PDE4D: variants seen among roughly 807,000 people sequenced by gnomAD.
PDE4D encodes the protein phosphodiesterase 4D.
In PDE4D, 24 loss-of-function variants were observed where a neutral mutation model predicts 87.4. The observed-to-expected ratio is 0.27, with a 90% CI of 0.20 to 0.39. The LOEUF (loss-of-function observed/expected upper bound fraction) is 0.39, where lower values mean the gene tolerates loss of function less well. PDE4D is among the 10% of genes least tolerant of loss of function. PDE4D has a pLI of 1.00. For synonymous variants in PDE4D, 384 were observed against 383.2 expected (o/e 1.00, Z -0.02); for missense variants, 714 against 1,041.0 (o/e 0.69, Z 4.32).
At chr5:58,986,105 G>C (rs1746361718) in intron 11 of PDE4D, among the ~76,000 whole-genome samples, 1 of 152,096 alleles carries the variant, frequency 6.6e-6, no homozygotes, top group Non-Finnish European at 1.5e-5. Context: ...ATGTCGCTGT[G>C]GTCACACAGA....
intron 1 of PDE4D, among the ~76,000 whole-genome samples, chr5:59,658,562 T>C (rs1561421285): frequency 6.6e-6 from 1 of 152,124 alleles, no homozygotes; most frequent in Non-Finnish European, 1.5e-5. Flanking sequence ...TTTGTATTTT[T>C]AGTAGAGATG....
intron 2 of PDE4D, among the ~76,000 whole-genome samples, chr5:60,180,307 A>C (rs1436642040): frequency 6.6e-6 from 1 of 152,170 alleles, no homozygotes; most frequent in Admixed American, 6.5e-5. Flanking sequence ...ATCTGAGAAA[A>C]ATTCTTTTTA....
intron 1 of PDE4D, among the ~76,000 whole-genome samples, chr5:60,442,217 A>C (rs944777165): frequency 6.6e-5 from 10 of 152,170 alleles, no homozygotes; most frequent in Non-Finnish European, 1.0e-4. Flanking sequence ...TAGACTGGAT[A>C]AAGAAAATGT....
chr5:60,493,501 T>C (rs976119485), intron 1 of PDE4D, among the ~76,000 whole-genome samples: 1 of 152,122 alleles, frequency 6.6e-6, no homozygotes, highest in African/African-American at 2.4e-5. Context: ...ACGTGCTCAC[T>C]AAGAAGCAGC....
At chr5:59,821,849 A>G (rs980161841) in intron 1 of PDE4D, among the ~76,000 whole-genome samples, 1 of 152,170 alleles carries the variant, frequency 6.6e-6, no homozygotes, top group African/African-American at 2.4e-5. Context: ...AGATATGTTA[A>G]CCATAGGCTC....
At chr5:60,235,874 T>C (rs1362413305) in intron 1 of PDE4D, among the ~76,000 whole-genome samples, 1 of 151,898 alleles carries the variant, frequency 6.6e-6, no homozygotes, top group Non-Finnish European at 1.5e-5. Flanking sequence ...TTAGCCTTAT[T>C]AGACTTTAAT....
chr5:59,517,916 C>G (rs749002241), intron 1 of PDE4D, among the ~76,000 whole-genome samples: 2 of 152,078 alleles, frequency 1.3e-5, no homozygotes, highest in Non-Finnish European at 2.9e-5. Flanking sequence ...ATGCTAATAC[C>G]ATTTATAAAA....
intron 2 of PDE4D, among the ~76,000 whole-genome samples, chr5:60,034,911 C>T (rs915725608): frequency 2.6e-5 from 4 of 152,088 alleles, no homozygotes; most frequent in Non-Finnish European, 5.9e-5. Context: ...ACAACTCTCC[C>T]TCTGCTGTAT....
At chr5:60,082,353 G>A (rs1362228981) in intron 2 of PDE4D, among the ~76,000 whole-genome samples, 1 of 152,186 alleles carries the variant, frequency 6.6e-6, no homozygotes, top group African/African-American at 2.4e-5. Flanking sequence ...ACCAAGAGGA[G>A]TGCCCTCACT....
intron 2 of PDE4D, among the ~76,000 whole-genome samples, chr5:60,054,909 T>C (rs1770610809): frequency 6.6e-6 from 1 of 152,074 alleles, no homozygotes; most frequent in Admixed American, 6.6e-5. Flanking sequence ...CCAAGCTTTA[T>C]CTCTAATTAT....
chr5:59,433,555 A>C (rs1796402447), intron 1 of PDE4D, among the ~76,000 whole-genome samples: 1 of 152,098 alleles, frequency 6.6e-6, no homozygotes, highest in Non-Finnish European at 1.5e-5. Context: ...TAGGAAAATA[A>C]GAACACATTG....
At chr5:59,036,707 A>G (rs1758576044) in intron 6 of PDE4D, among the ~76,000 whole-genome samples, 2 of 152,218 alleles carry the variant, frequency 1.3e-5, no homozygotes, top group Admixed American at 1.3e-4. Context: ...AGAAATAAAT[A>G]AGTTAAAGAA....
intron 5 of PDE4D, among the ~76,000 whole-genome samples, chr5:59,071,754 T>C (rs1580648387): frequency 7.2e-6 from 1 of 139,804 alleles, no homozygotes. Flanking sequence ...TGGGACCATG[T>C]TGGCTCACTG....
At chr5:59,925,421 C>T (rs550201186) in intron 3 of PDE4D, among the ~76,000 whole-genome samples, 48 of 152,070 alleles carry the variant, frequency 3.2e-4, no homozygotes, top group African/African-American at 1.1e-3. Context: ...CAGAGAAAAT[C>T]ACCTTTACTA....
At chr5:59,416,926 C>A (rs949228005) in intron 1 of PDE4D, among the ~76,000 whole-genome samples, 1 of 152,002 alleles carries the variant, frequency 6.6e-6, no homozygotes, top group South Asian at 2.1e-4. Flanking sequence ...TAGATGTATA[C>A]ATATACATAT....
At chr5:60,254,405 T>G (rs992402591) in intron 1 of PDE4D, among the ~76,000 whole-genome samples, 5 of 151,982 alleles carry the variant, frequency 3.3e-5, no homozygotes, top group Admixed American at 1.3e-4. Context: ...AGCCCCTGCC[T>G]TTAAGCAAGT....
intron 1 of PDE4D, among the ~76,000 whole-genome samples, chr5:59,649,050 G>A (rs528868951): frequency 2.6e-5 from 4 of 152,146 alleles, no homozygotes; most frequent in East Asian, 1.9e-4. Context: ...TAAATTCTAC[G>A]ATTCTATGAT....
intron 1 of PDE4D, among the ~76,000 whole-genome samples, chr5:59,259,752 G>C (rs1761642730): frequency 6.6e-6 from 1 of 151,656 alleles, no homozygotes; most frequent in Non-Finnish European, 1.5e-5. Context: ...CAAAAACAAG[G>C]GTTAAAAGCA....
intron 1 of PDE4D, among the ~76,000 whole-genome samples, chr5:60,385,267 G>A (rs1762122218): frequency 6.6e-6 from 1 of 152,222 alleles, no homozygotes; most frequent in Admixed American, 6.5e-5. Flanking sequence ...CAATACTGGT[G>A]TGTAAATGAC....
Sources: gnomAD v4.1 joint callset for allele counts (sites outside exome capture counted in the v4.1 genomes callset) on GRCh38, gnomAD v4.1.1 for gene constraint, MANE v1.5 for transcripts, NCBI Gene and HGNC (gene_info 2026-07-23, HGNC 2026-07-21) for gene names.